Variants in PEX16 observed in about 807,000 individuals in gnomAD.
The protein encoded by PEX16 is peroxisomal biogenesis factor 16, also known as peroxin 16.
Under a neutral mutation model 50.5 loss-of-function variants are expected in PEX16, and 37 were observed. The ratio of observed to expected loss-of-function variants is 0.73; its 90% CI spans 0.56 to 0.96. The LOEUF is 0.96. Among genes scored for constraint, PEX16 ranks in the 40% least tolerant of loss-of-function variants. The pLI is 0.00. For missense variants in PEX16, 401 were observed against 438.3 expected, an observed-to-expected ratio of 0.91 and a Z score of 0.76; for synonymous variants, 185 against 190.3, an observed-to-expected ratio of 0.97 and a Z score of 0.23.
In PEX16 at chr11:45,917,875, T is replaced by G. The variant is rs1432239527; in HGVS notation, c.-64A>C. 5.1e-6 allele frequency: 6 copies of G among 1,180,058 alleles called. No individual in the cohort carries two copies. Among genetic ancestry groups the G allele is most frequent in the Non-Finnish European group, 3.6e-6 (3 of 823,088 alleles). 73.1% of individuals were successfully genotyped at this position (1,180,058 alleles called of 1,614,324 possible). ...CGACAGGCTGCGGCGCCCTGCTTCC[T>G]GCGCCCTCCTTCCTGCTTCCGGTCT... On this transcript the variant is annotated 5_prime_UTR_variant, in exon 1 of 11. Coordinates refer to ENST00000378750, the MANE Select transcript of PEX16 (RefSeq NM_004813.4).
intron 9 of PEX16, 40 bp from the exon 10 acceptor site, chr11:45,911,002 G>C (rs776591240): frequency 1.4e-6 from 2 of 1,449,364 alleles, no homozygotes; most frequent in Non-Finnish European, 1.9e-6. Flanking sequence ...TGAGTGGGGT[G>C]GGGGTGGGTC....
rs2086836106 is a variant in PEX16 at position 45,916,378 on chromosome 11, G to C, written c.149-75C>G. The C allele has an allele frequency of 4.3e-6, 5 of 1,151,408 alleles. No individual in the cohort carries two copies. The East Asian group carries it at 1.2e-4, about 27-fold the overall frequency. The allele number at this position is 1,151,408 out of a possible 1,614,324, so 71.3% of individuals were successfully genotyped here. ...CTCTCACCTTCTCCCCAGAGCTGCA[G>C]GGATCACCTGTCACATGCTCTGCTC... On this transcript the variant is annotated intron_variant, in intron 2 of 10. Transcript: ENST00000378750.
chr11:45,916,087 C>T (rs1052575853), intron 3 of PEX16, 140 bp downstream of exon 3: 1 of 803,552 alleles, frequency 1.2e-6, no homozygotes, highest in Non-Finnish European at 2.2e-6. Flanking sequence ...TACAGGTCAC[C>T]TAATGAGATG....
At chr11:45,915,447 G>A (rs536578992) in intron 5 of PEX16, 21 bp downstream of exon 5, 2 of 1,593,842 alleles carry the variant, frequency 1.3e-6, no homozygotes, top group Non-Finnish European at 1.7e-6. Context: ...TTCCGCTCCA[G>A]GGCTTGGGGA....
intron 6 of PEX16, 30 bp downstream of exon 6, chr11:45,914,574 G>A: frequency 6.2e-7 from 1 of 1,613,328 alleles, no homozygotes; most frequent in Non-Finnish European, 8.5e-7. Flanking sequence ...CAGCACCTAG[G>A]TGCCCAGGCC....
In PEX16 at chr11:45,910,082, A is replaced by G; in HGVS notation, c.*172T>C. ...GGCTGCAGTGGCATCGTCACAGGAG[A>G]GCGCAGTCAAGGGTGTCCTGGGAGG... is the stretch of plus-strand genomic sequence containing the variant. On this transcript the variant is annotated 3_prime_UTR_variant, in exon 11 of 11. Coordinates refer to ENST00000378750, the MANE Select transcript of PEX16 (RefSeq NM_004813.4). 1.2e-6 allele frequency: 2 copies of G among 1,609,304 alleles called. No individual in the cohort carries two copies.
Position 45,917,651 on chromosome 11 carries a change from G to A in PEX16, c.112+49C>T, listed in dbSNP as rs912564440. 11 of 1,493,160 alleles carry A rather than the reference G, an allele frequency of 7.4e-6. No homozygotes were observed. The African/African-American group carries it at 1.5e-4, about 21-fold the overall frequency. The allele number at this position is 1,493,160 out of a possible 1,614,324, so 92.5% of individuals were successfully genotyped here. On this transcript the variant is annotated intron_variant, in intron 1 of 10. Coordinates refer to ENST00000378750, the MANE Select transcript of PEX16 (RefSeq NM_004813.4). ...ACTCCGCAGGGAAGGGGGCCACTGG[G>A]GTCATAGGTCAGGGCCCAGAAGGAA...
chr11:45,918,729 T>G (rs923014089), upstream of PEX16: 1 of 152,230 alleles, frequency 6.6e-6, no homozygotes, highest in Admixed American at 6.5e-5. Flanking sequence ...AGTCCTCAGC[T>G]GCGCCCCCAA....
chr11:45,911,035 G>T, intron 9 of PEX16, 73 bp from the exon 10 acceptor site: 2 of 1,024,876 alleles, frequency 2.0e-6, no homozygotes, highest in Non-Finnish European at 3.1e-6. Context: ...GAGGCCCAGA[G>T]GCCTTCACTG....
chr11:45,909,774 G>A lies in PEX16; in HGVS notation c.*480C>T. On this transcript the variant is annotated 3_prime_UTR_variant, in exon 11 of 11. Transcript: ENST00000378750. ...ACCAGGCTCTGTCACAGGGAGGCTG[G>A]CAACGCCATGGCCTGGGGCTGCCAG... The A allele has an allele frequency of 2.2e-6, 1 of 450,536 alleles. No homozygotes were observed. The highest frequency in any genetic ancestry group is 4.0e-5 in the East Asian group (1 of 24,944). The allele number at this position is 450,536 out of a possible 1,614,324, so 27.9% of individuals were successfully genotyped here. A position where few individuals can be genotyped will look rare whatever the true frequency, so the allele number is the denominator to read the frequency against.
In PEX16 at chr11:45,915,695, C is replaced by CA. The variant is rs760818138; in HGVS notation, c.359+7dup. 6.8e-6 allele frequency: 11 copies of CA among 1,614,128 alleles called. No individual in the cohort carries two copies. The Middle Eastern group carries it at 4.9e-4, about 73-fold the overall frequency. ...CCACCCAGGACCCTCTCCACAATCC[C>CA]AACCTACTTGGCCAGCTGGACGAGG... On this transcript the variant is annotated splice_region_variant and intron_variant, in intron 4 of 10. Transcript: ENST00000378750.
intron 9 of PEX16, among the ~76,000 whole-genome samples, chr11:45,912,749 G>A (rs1467646304): frequency 6.6e-6 from 1 of 152,002 alleles, no homozygotes; most frequent in East Asian, 1.9e-4. Flanking sequence ...TGATCCGCCC[G>A]CCTCGGCCTC....
rs1055828100 is a variant in PEX16 at position 45,909,845 on chromosome 11, A to C, written c.*409T>G. The stretch of plus-strand genomic sequence containing the variant: ...AAGGGGCAGACGGAGGGCCCCAGCC[A>C]GAAGACACGCTGGGCAGCGTTCAGC... On this transcript the variant is annotated 3_prime_UTR_variant, in exon 11 of 11. Transcript: ENST00000378750. 2 of 565,508 alleles carry C rather than the reference A, an allele frequency of 3.5e-6. No homozygotes were observed. The highest frequency in any genetic ancestry group is 6.4e-6 in the Non-Finnish European group (2 of 313,788). The allele number at this position is 565,508 out of a possible 1,614,324, so 35.0% of individuals were successfully genotyped here. A position where few individuals can be genotyped will look rare whatever the true frequency, so the allele number is the denominator to read the frequency against.
chr11:45,910,846 G>A (rs2086769668), intron 10 of PEX16, 52 bp downstream of exon 10: 8 of 1,442,588 alleles, frequency 5.5e-6, no homozygotes, highest in Admixed American at 1.7e-5. Context: ...GGAGGTGCTT[G>A]CATGCATGCG....
chr11:45,911,590 C>A (rs2086779020), intron 9 of PEX16, among the ~76,000 whole-genome samples: 1 of 152,230 alleles, frequency 6.6e-6, no homozygotes, highest in African/African-American at 2.4e-5. Flanking sequence ...AGTCACTGAA[C>A]CCCTACAAAG....
In PEX16 at chr11:45,910,120, G is replaced by T. The variant is rs149943332; in HGVS notation, c.*134C>A. On this transcript the variant is annotated 3_prime_UTR_variant, in exon 11 of 11. Transcript: ENST00000378750. ...GTGTCCTGGGAGGAACGCTGGTGGC[G>T]ACCAGGGCTGTGTGTGGGGCCTGGC... The T allele has an allele frequency of 1.2e-6, 2 of 1,611,526 alleles. No homozygotes were observed. The highest frequency in any genetic ancestry group is 2.7e-5 in the African/African-American group (2 of 74,870).
chr11:45,917,450 C>T lies in PEX16; in HGVS notation c.148+8G>A. 1 of 1,613,706 alleles carries T rather than the reference C, an allele frequency of 6.2e-7. No homozygotes were observed. The highest frequency in any genetic ancestry group is 1.1e-5 in the South Asian group (1 of 91,078). Reference sequence around the variant, plus strand: ...TCCCCCATCCCCCACCCCCAGAGCCCGGCTCACCCAGCTCTGACAGCTCGT... The same window carrying T: ...TCCCCCATCCCCCACCCCCAGAGCCTGGCTCACCCAGCTCTGACAGCTCGT... On this transcript the variant is annotated splice_region_variant and intron_variant, in intron 2 of 10. Coordinates refer to ENST00000378750, the MANE Select transcript of PEX16 (RefSeq NM_004813.4).
intron 2 of PEX16, chr11:45,917,010 T>C (rs58409282): frequency 0.018 from 8,484 of 471,412 alleles, 167 homozygotes; most frequent in South Asian, 0.05. Context: ...CTTTCAGGAC[T>C]GTGACAGCAG....
chr11:45,910,916 C>G lies in PEX16; in HGVS notation c.934G>C (p.Gly312Arg), dbSNP rs2086770953. Residue 312 changes from glycine (G) to arginine (R), a missense_variant, in exon 10 of 11, where the codon GGC becomes CGC. Gly to Arg is a moderately radical substitution (Grantham distance 125). Transcript: ENST00000378750. ...LLQLLADHVP[G>R]VGLVTRPLMD... ...TGCTTACTTGTGACCAGGCCAACGC[C>G]AGGGACGTGGTCGGCCAGCAACTGG... 1.9e-6 allele frequency: 3 copies of G among 1,613,658 alleles called. No individual in the cohort carries two copies. In the East Asian group the frequency reaches 6.7e-5, roughly 36 times the overall value.
Sources: gnomAD v4.1 joint callset for allele counts (sites outside exome capture counted in the v4.1 genomes callset) on GRCh38, gnomAD v4.1.1 for gene constraint, MANE v1.5 for transcripts, NCBI Gene and HGNC (gene_info 2026-07-23, HGNC 2026-07-21) for gene names.